FGF12: variants seen among roughly 807,000 people sequenced by gnomAD.
FGF12 encodes fibroblast growth factor 12B.
A neutral mutation model predicts 23.6 loss-of-function variants in FGF12; 14 were observed. The ratio of observed to expected loss-of-function variants is 0.59; its 90% CI spans 0.39 to 0.93. FGF12 has a LOEUF of 0.93. Among genes scored for constraint, FGF12 ranks in the 40% least tolerant of loss-of-function variants. The probability of loss-of-function intolerance (pLI) is 0.00; values close to 1 mark genes in which losing one functional copy is unlikely to be tolerated. For missense variants in FGF12, 175 were observed against 217.8 expected, an observed-to-expected ratio of 0.80 and a Z score of 1.24; for synonymous variants, 62 against 77.3, an observed-to-expected ratio of 0.80 and a Z score of 1.04.
intron 2 of FGF12, among the ~76,000 whole-genome samples, chr3:192,530,542 T>A (rs1725061283): frequency 6.6e-6 from 1 of 152,230 alleles, no homozygotes; most frequent in South Asian, 2.1e-4. Flanking sequence ...GAGATTATTT[T>A]AATAATTTCT....
intron 2 of FGF12, among the ~76,000 whole-genome samples, chr3:192,619,066 T>C (rs1714874525): frequency 6.6e-6 from 1 of 152,058 alleles, no homozygotes; most frequent in African/African-American, 2.4e-5. Context: ...AATTAGCTAA[T>C]TAAAGGCTAA....
intron 2 of FGF12, among the ~76,000 whole-genome samples, chr3:192,431,747 A>G (rs545748978): frequency 6.6e-6 from 1 of 152,328 alleles, no homozygotes; most frequent in South Asian, 2.1e-4. Flanking sequence ...GCTTTCTATT[A>G]TCTAGAAATG....
intron 2 of FGF12, among the ~76,000 whole-genome samples, chr3:192,491,711 C>T (rs1346686153): frequency 1.3e-5 from 2 of 152,110 alleles, no homozygotes; most frequent in Non-Finnish European, 2.9e-5. Context: ...GCATTGTTCT[C>T]CATCGTCTTC....
chr3:192,504,809 G>A (rs1036676268), intron 2 of FGF12, among the ~76,000 whole-genome samples: 1 of 152,092 alleles, frequency 6.6e-6, no homozygotes, highest in African/African-American at 2.4e-5. Context: ...TGAGTTCGAC[G>A]TGTCAAGATT....
intron 4 of FGF12, among the ~76,000 whole-genome samples, chr3:192,294,249 T>C (rs1462721184): frequency 6.6e-6 from 1 of 152,154 alleles, no homozygotes; most frequent in Non-Finnish European, 1.5e-5. Context: ...GGTATGTCTT[T>C]ATCAGCAGTG....
intron 2 of FGF12, among the ~76,000 whole-genome samples, chr3:192,591,625 T>G (rs1298567786): frequency 1.3e-5 from 2 of 151,862 alleles, no homozygotes; most frequent in African/African-American, 4.8e-5. Flanking sequence ...CATGCATCAT[T>G]TACTCATAAG....
At position 192,161,220 on chromosome 3, in the gene FGF12, A is replaced by T. The variant is rs750050998; in HGVS notation, c.427+9238T>A. Among the ~76,000 whole-genome samples the T allele has an allele frequency of 2.0e-5, 3 of 152,054 alleles. 1 individual carries two copies. The highest frequency in any genetic ancestry group is 2.0e-4 in the Admixed American group (3 of 15,242). On this transcript the variant is annotated intron_variant, in intron 5 of 5. Transcript: ENST00000445105. Reference sequence around the variant, plus strand: ...ACAGCAGGAACGTTAAGAAATGCAAATTATTTGGCCAGCTCAAACGTACAG... The same window carrying T: ...ACAGCAGGAACGTTAAGAAATGCAATTTATTTGGCCAGCTCAAACGTACAG...
At chr3:192,353,622 G>T (rs1406439933) in intron 3 of FGF12, among the ~76,000 whole-genome samples, 1 of 151,974 alleles carries the variant, frequency 6.6e-6, no homozygotes, top group Admixed American at 6.5e-5. Context: ...GCCAGCCTCG[G>T]CCTCCCAGAG....
intron 2 of FGF12, among the ~76,000 whole-genome samples, chr3:192,484,691 A>G (rs1322083071): frequency 6.6e-6 from 1 of 152,034 alleles, no homozygotes; most frequent in Non-Finnish European, 1.5e-5. Context: ...GACCTTATGC[A>G]CTCTCCCAGG....
At chr3:192,211,878 T>A (rs1717947352) in intron 4 of FGF12, among the ~76,000 whole-genome samples, 1 of 152,196 alleles carries the variant, frequency 6.6e-6, no homozygotes, top group African/African-American at 2.4e-5. Flanking sequence ...ACATAATAAA[T>A]CCTACATAAT....
intron 2 of FGF12, among the ~76,000 whole-genome samples, chr3:192,393,317 T>G (rs1720387373): frequency 6.6e-6 from 1 of 152,248 alleles, no homozygotes; most frequent in Non-Finnish European, 1.5e-5. Flanking sequence ...AGTAGAATCC[T>G]ACATTGACTC....
intron 2 of FGF12, among the ~76,000 whole-genome samples, chr3:192,646,667 C>A (rs78777669): frequency 0.087 from 13,260 of 152,012 alleles, 754 homozygotes; most frequent in Middle Eastern, 0.14. Flanking sequence ...GTAGGCAAAT[C>A]GTTAGAGACA....
chr3:192,232,863 T>C (rs1560202274), intron 4 of FGF12, among the ~76,000 whole-genome samples: 1 of 152,182 alleles, frequency 6.6e-6, no homozygotes. Context: ...TCATCCATGT[T>C]GCTGCAAAGG....
At chr3:192,605,513 A>G (rs1714304037) in intron 2 of FGF12, among the ~76,000 whole-genome samples, 1 of 152,212 alleles carries the variant, frequency 6.6e-6, no homozygotes, top group Non-Finnish European at 1.5e-5. Flanking sequence ...ATGAAACTTA[A>G]GAGCTTCTGC....
intron 2 of FGF12, among the ~76,000 whole-genome samples, chr3:192,597,258 C>T (rs1388019275): frequency 2.0e-5 from 3 of 152,108 alleles, no homozygotes; most frequent in African/African-American, 4.8e-5. Flanking sequence ...ATTACTCATT[C>T]CCACTACATC....
At chr3:192,446,537 A>T (rs1169464718) in intron 2 of FGF12, among the ~76,000 whole-genome samples, 1 of 152,226 alleles carries the variant, frequency 6.6e-6, no homozygotes, top group Admixed American at 6.5e-5. Context: ...CAATTCACAG[A>T]TGGCCTCGTA....
chr3:192,343,203 C>T (rs1430458714), intron 3 of FGF12, among the ~76,000 whole-genome samples: 1 of 151,572 alleles, frequency 6.6e-6, no homozygotes, highest in Admixed American at 6.6e-5. Context: ...AAAGATTCAT[C>T]CTGTGACCCA....
Position 192,279,230 on chromosome 3 carries a change from GTATATATATA to G in FGF12, c.228+56121_228+56130del, listed in dbSNP as rs59504943. 9.1e-5 allele frequency among the ~76,000 whole-genome samples: 12 copies of G among 131,960 alleles called. 1 individual carries two copies. In the East Asian group the frequency reaches 1.5e-3, roughly 16 times the overall value. 86.6% of individuals were successfully genotyped at this position (131,960 alleles called of 152,430 possible). On this transcript the variant is annotated intron_variant, in intron 4 of 5. Coordinates refer to ENST00000445105, the MANE Select transcript of FGF12 (RefSeq NM_004113.6). ...TAAGTCATGCTTGGTTAATGTATGA[GTATATATATA>G]TATATATATATATAAAATGTACATT...
intron 2 of FGF12, among the ~76,000 whole-genome samples, chr3:192,539,213 T>C (rs1725304977): frequency 6.6e-6 from 1 of 152,212 alleles, no homozygotes; most frequent in African/African-American, 2.4e-5. Flanking sequence ...CCATGTCATG[T>C]TCCAGATTTT....
Sources: allele counts gnomAD v4.1 joint callset (sites outside exome capture counted in the v4.1 genomes callset), GRCh38; gene constraint gnomAD v4.1.1; transcripts MANE v1.5; gene names NCBI Gene and HGNC (gene_info 2026-07-23, HGNC 2026-07-21).